Variants in SOX5 observed in about 807,000 individuals in gnomAD.
The protein encoded by SOX5 is transcription factor SOX-5.
SOX5 carries 9 observed loss-of-function variants against 92.0 expected under a neutral mutation model. That is an observed-to-expected ratio of 0.10 (90% CI 0.06 to 0.17). The LOEUF is 0.17. Among genes scored for constraint, SOX5 ranks in the 10% least tolerant of loss-of-function variants. The pLI, the probability that SOX5 is intolerant of heterozygous loss-of-function variation, is 1.00. For synonymous variants in SOX5, 344 were observed against 336.3 expected, an observed-to-expected ratio of 1.02 and a Z score of -0.25; for missense variants, 642 against 944.5, an observed-to-expected ratio of 0.68 and a Z score of 4.20.
chr12:23,727,740 C>G (rs1188901296), intron 6 of SOX5, among the ~76,000 whole-genome samples: 1 of 152,044 alleles, frequency 6.6e-6, no homozygotes, highest in African/African-American at 2.4e-5. Flanking sequence ...AGAAATAGCA[C>G]TATAATTAAA....
At chr12:24,270,070 T>TC (rs890412981) in intron 3 of SOX5, among the ~76,000 whole-genome samples, 1 of 151,938 alleles carries the variant, frequency 6.6e-6, no homozygotes, top group African/African-American at 2.4e-5. Flanking sequence ...GAAACTCTTT[T>TC]TCTTTTTTTG....
chr12:23,626,349 C>G (rs1021930161), intron 8 of SOX5, among the ~76,000 whole-genome samples: 14 of 152,158 alleles, frequency 9.2e-5, no homozygotes, highest in African/African-American at 3.1e-4. Context: ...CATGTGTAAT[C>G]ATGTTCTTAA....
At chr12:24,479,840 A>G (rs1945789802) in intron 1 of SOX5, among the ~76,000 whole-genome samples, 1 of 151,960 alleles carries the variant, frequency 6.6e-6, no homozygotes, top group South Asian at 2.1e-4. Context: ...TAATTTTTGT[A>G]TTGTTAGTAG....
At chr12:24,022,197 A>G (rs1954373436) in intron 4 of SOX5, among the ~76,000 whole-genome samples, 1 of 152,156 alleles carries the variant, frequency 6.6e-6, no homozygotes, top group African/African-American at 2.4e-5. Context: ...GTTTTATCCT[A>G]TTAAGGCTGT....
chr12:23,845,198 T>C (rs2096561443), intron 3 of SOX5, among the ~76,000 whole-genome samples: 1 of 152,216 alleles, frequency 6.6e-6, no homozygotes, highest in African/African-American at 2.4e-5. Flanking sequence ...GTTTATTTGT[T>C]TTAAATTTCC....
intron 2 of SOX5, among the ~76,000 whole-genome samples, chr12:24,355,722 T>A (rs569209735): frequency 6.6e-6 from 1 of 152,360 alleles, no homozygotes; most frequent in South Asian, 2.1e-4. Context: ...ATCACTGGTA[T>A]GAGTTCAAAG....
At chr12:23,604,131 A>T (rs1036343433) in intron 9 of SOX5, 10 of 383,518 alleles carry the variant, frequency 2.6e-5, no homozygotes, top group Middle Eastern at 1.5e-3. Flanking sequence ...GGTACAAGAT[A>T]CCCATCTGAT....
chr12:23,772,756 A>C (rs141417622), intron 3 of SOX5, among the ~76,000 whole-genome samples: 64 of 152,312 alleles, frequency 4.2e-4, no homozygotes, highest in Middle Eastern at 6.8e-3. Flanking sequence ...AGGGCAATTT[A>C]AGGTATTAAA....
intron 1 of SOX5, among the ~76,000 whole-genome samples, chr12:24,383,422 T>C (rs982718847): frequency 1.3e-5 from 2 of 152,262 alleles, no homozygotes; most frequent in Admixed American, 6.5e-5. Flanking sequence ...ATGATTTTGC[T>C]TTCTGTGGTT....
At chr12:24,170,647 T>A (rs533707770) in intron 4 of SOX5, among the ~76,000 whole-genome samples, 1 of 152,300 alleles carries the variant, frequency 6.6e-6, no homozygotes, top group African/African-American at 2.4e-5. Flanking sequence ...TAGTACTTGG[T>A]TTGCATTTAA....
At chr12:24,018,711 C>A (rs530672295) in intron 4 of SOX5, among the ~76,000 whole-genome samples, 1 of 151,996 alleles carries the variant, frequency 6.6e-6, no homozygotes, top group Non-Finnish European at 1.5e-5. Context: ...GCAGGAGAAT[C>A]GCTTGAACCT....
intron 2 of SOX5, among the ~76,000 whole-genome samples, chr12:23,860,344 G>A (rs1210457987): frequency 6.6e-6 from 1 of 151,326 alleles, no homozygotes. Context: ...CCCAATCCTA[G>A]AGACAATTTG....
At chr12:23,562,675 G>A (rs1057114714) in intron 11 of SOX5, among the ~76,000 whole-genome samples, 3 of 152,016 alleles carry the variant, frequency 2.0e-5, no homozygotes, top group Non-Finnish European at 4.4e-5. Context: ...TGAAATCATT[G>A]TCTCTCAGAC....
At chr12:23,731,900 G>T (rs1323210258) in intron 6 of SOX5, among the ~76,000 whole-genome samples, 1 of 152,058 alleles carries the variant, frequency 6.6e-6, no homozygotes, top group Non-Finnish European at 1.5e-5. Context: ...AAACATCTAA[G>T]AAAGTACAAT....
At chr12:24,313,298 C>A (rs191418812) in intron 2 of SOX5, among the ~76,000 whole-genome samples, 30 of 152,166 alleles carry the variant, frequency 2.0e-4, no homozygotes, top group Non-Finnish European at 4.1e-4. Context: ...GAGGCCAAGG[C>A]GAGAGGATAG....
chr12:23,824,488 G>A (rs764591930), intron 3 of SOX5, among the ~76,000 whole-genome samples: 2 of 152,186 alleles, frequency 1.3e-5, no homozygotes, highest in Non-Finnish European at 2.9e-5. Context: ...TCCTTCCTCT[G>A]AAAGCTTCGT....
At chr12:24,076,178 C>T (rs1211800601) in intron 4 of SOX5, among the ~76,000 whole-genome samples, 1 of 152,114 alleles carries the variant, frequency 6.6e-6, no homozygotes, top group Non-Finnish European at 1.5e-5. Flanking sequence ...GTTATTATCT[C>T]TCTAAACATA....
At chr12:23,784,866 C>T (rs183870807) in intron 3 of SOX5, among the ~76,000 whole-genome samples, 9 of 152,188 alleles carry the variant, frequency 5.9e-5, no homozygotes, top group Non-Finnish European at 1.2e-4. Flanking sequence ...TGCTTGAGCT[C>T]GGGAGTTCAA....
At chr12:24,453,674 C>A (rs948482508) in intron 1 of SOX5, among the ~76,000 whole-genome samples, 1 of 152,160 alleles carries the variant, frequency 6.6e-6, no homozygotes, top group African/African-American at 2.4e-5. Context: ...TTCACACAAG[C>A]AAATCACTCC....
Sources: gnomAD v4.1 joint callset for allele counts (sites outside exome capture counted in the v4.1 genomes callset) on GRCh38, gnomAD v4.1.1 for gene constraint, MANE v1.5 for transcripts, NCBI Gene and HGNC (gene_info 2026-07-23, HGNC 2026-07-21) for gene names.